ROBO2: variants seen among roughly 807,000 people sequenced by gnomAD.
ROBO2 encodes roundabout guidance receptor 2, also known as roundabout homolog 2.
Under a neutral mutation model 160.8 loss-of-function variants are expected in ROBO2, and 53 were observed. The ratio of observed to expected loss-of-function variants is 0.33; its 90% CI spans 0.26 to 0.41. ROBO2 has a LOEUF of 0.41. Ranked by LOEUF, ROBO2 falls within the 10% of genes least tolerant of loss-of-function variation. The probability of loss-of-function intolerance (pLI) is 1.00; values close to 1 mark genes in which losing one functional copy is unlikely to be tolerated. For synonymous variants in ROBO2, 664 were observed against 611.7 expected, an observed-to-expected ratio of 1.09 and a Z score of -1.26; for missense variants, 1,577 against 1,722.4, an observed-to-expected ratio of 0.92 and a Z score of 1.49.
At chr3:77,294,214 A>C (rs568980911) in intron 2 of ROBO2, among the ~76,000 whole-genome samples, 1 of 143,098 alleles carries the variant, frequency 7.0e-6, no homozygotes, top group East Asian at 2.0e-4. Context: ...CTAAAAGGGT[A>C]AGCTGAGACT....
intron 2 of ROBO2, among the ~76,000 whole-genome samples, chr3:76,092,213 T>G (rs1411733881): frequency 6.6e-6 from 1 of 152,162 alleles, no homozygotes; most frequent in African/African-American, 2.4e-5. Context: ...TACCACTCAA[T>G]TAGGTTGTCT....
chr3:76,621,944 T>C (rs577696924), intron 2 of ROBO2, among the ~76,000 whole-genome samples: 1 of 151,646 alleles, frequency 6.6e-6, no homozygotes, highest in African/African-American at 2.4e-5. Flanking sequence ...GTGGTTCATA[T>C]ATGCTTTCTT....
intron 2 of ROBO2, among the ~76,000 whole-genome samples, chr3:76,534,113 G>GT (rs980805414): frequency 3.3e-5 from 5 of 151,878 alleles, no homozygotes; most frequent in East Asian, 3.9e-4. Flanking sequence ...CTTCTGGGGA[G>GT]TTTTTTTTGG....
intron 2 of ROBO2, among the ~76,000 whole-genome samples, chr3:76,858,580 A>G (rs190896090): frequency 6.6e-6 from 1 of 152,292 alleles, no homozygotes; most frequent in Non-Finnish European, 1.5e-5. Flanking sequence ...TAGCTTTTAA[A>G]CAATTAACTT....
intron 2 of ROBO2, among the ~76,000 whole-genome samples, chr3:76,989,719 AT>A: frequency 6.6e-6 from 1 of 152,242 alleles, no homozygotes; most frequent in Non-Finnish European, 1.5e-5. Flanking sequence ...AAGACTGGGT[AT>A]TTATTATAAG....
At chr3:77,563,430 A>G in intron 11 of ROBO2, 101 bp downstream of exon 12, 1 of 1,131,176 alleles carries the variant, frequency 8.8e-7, no homozygotes, top group Non-Finnish European at 1.3e-6. Flanking sequence ...GACATGTCCA[A>G]TCAATGCATT....
chr3:76,689,222 T>A (rs181306975), intron 2 of ROBO2, among the ~76,000 whole-genome samples: 28 of 152,190 alleles, frequency 1.8e-4, no homozygotes, highest in African/African-American at 6.5e-4. Flanking sequence ...ATGCATTTTT[T>A]ATATATTTTT....
chr3:76,015,665 C>T (rs918734292), intron 2 of ROBO2, among the ~76,000 whole-genome samples: 2 of 152,152 alleles, frequency 1.3e-5, no homozygotes, highest in Non-Finnish European at 2.9e-5. Context: ...GGCCAGATGG[C>T]GCACACAATC....
At chr3:76,240,975 A>G (rs1705248361) in intron 2 of ROBO2, among the ~76,000 whole-genome samples, 1 of 152,254 alleles carries the variant, frequency 6.6e-6, no homozygotes, top group African/African-American at 2.4e-5. Flanking sequence ...ATAAAAATAT[A>G]GTCCTATGGA....
intron 2 of ROBO2, among the ~76,000 whole-genome samples, chr3:77,369,101 G>T (rs1428525844): frequency 6.6e-6 from 1 of 152,128 alleles, no homozygotes; most frequent in Admixed American, 6.6e-5. Flanking sequence ...GCCAGTTAGA[G>T]CAATGTTGTC....
At chr3:76,198,283 A>G (rs2107231021) in intron 2 of ROBO2, among the ~76,000 whole-genome samples, 1 of 152,086 alleles carries the variant, frequency 6.6e-6, no homozygotes, top group South Asian at 2.1e-4. Context: ...TGGGAAGGGG[A>G]GATCAGACAT....
intron 2 of ROBO2, among the ~76,000 whole-genome samples, chr3:77,475,458 C>T (rs1243159463): frequency 2.0e-5 from 3 of 151,962 alleles, no homozygotes; most frequent in Admixed American, 6.6e-5. Flanking sequence ...ATTGGTGTAA[C>T]GTTGTATTTC....
intron 2 of ROBO2, among the ~76,000 whole-genome samples, chr3:76,227,117 TG>T (rs1704337175): frequency 6.6e-6 from 1 of 152,240 alleles, no homozygotes; most frequent in Non-Finnish European, 1.5e-5. Context: ...TTTAGAGACT[TG>T]ATTTCATAAA....
intron 2 of ROBO2, among the ~76,000 whole-genome samples, chr3:77,344,770 GT>G (rs2067449962): frequency 6.6e-6 from 1 of 152,144 alleles, no homozygotes; most frequent in East Asian, 1.9e-4. Flanking sequence ...TAGGTGATGA[GT>G]ACTTAGGAAT....
chr3:76,563,035 T>C (rs976599015), intron 2 of ROBO2, among the ~76,000 whole-genome samples: 4 of 152,072 alleles, frequency 2.6e-5, no homozygotes, highest in Non-Finnish European at 2.9e-5. Flanking sequence ...GTAGATGACA[T>C]TGAGGGAAGG....
chr3:76,186,616 C>CT (rs1049877524), intron 2 of ROBO2, among the ~76,000 whole-genome samples: 1 of 151,768 alleles, frequency 6.6e-6, no homozygotes, highest in African/African-American at 2.4e-5. Flanking sequence ...TTGCCTCCCA[C>CT]TTTTTTTCCA....
chr3:77,469,038 T>C (rs1321639585), intron 2 of ROBO2, among the ~76,000 whole-genome samples: 3 of 152,226 alleles, frequency 2.0e-5, no homozygotes, highest in African/African-American at 4.8e-5. Flanking sequence ...ATCCTGACCA[T>C]ATTTTGTTCA....
intron 2 of ROBO2, among the ~76,000 whole-genome samples, chr3:76,808,696 T>A (rs267151): frequency 0.16 from 24,348 of 151,950 alleles, 2,386 homozygotes; most frequent in Non-Finnish European, 0.21. Context: ...CAAATGTGGG[T>A]GTTAGAATCA....
intron 2 of ROBO2, among the ~76,000 whole-genome samples, chr3:76,607,207 G>A (rs112789471): frequency 2.6e-5 from 4 of 151,348 alleles, no homozygotes; most frequent in Non-Finnish European, 5.9e-5. Flanking sequence ...CTCCTGGACA[G>A]GAGCAATCCT....
Sources: gnomAD v4.1 joint callset for allele counts (sites outside exome capture counted in the v4.1 genomes callset) on GRCh38, gnomAD v4.1.1 for gene constraint, MANE v1.5 for transcripts, NCBI Gene and HGNC (gene_info 2026-07-23, HGNC 2026-07-21) for gene names.